MAPKAPK3: variants seen among roughly 807,000 people sequenced by gnomAD.
The protein encoded by MAPKAPK3 is MAP kinase-activated protein kinase 3.
A neutral mutation model predicts 49.2 loss-of-function variants in MAPKAPK3; 35 were observed. The ratio of observed to expected loss-of-function variants is 0.71; its 90% CI spans 0.54 to 0.94. The LOEUF (loss-of-function observed/expected upper bound fraction) is 0.94. Among genes scored for constraint, MAPKAPK3 ranks in the 40% least tolerant of loss-of-function variants. The pLI is 0.00. For synonymous variants in MAPKAPK3, 178 were observed against 188.7 expected, an observed-to-expected ratio of 0.94 and a Z score of 0.46; for missense variants, 398 against 493.1, an observed-to-expected ratio of 0.81 and a Z score of 1.83.
intron 2 of MAPKAPK3, among the ~76,000 whole-genome samples, chr3:50,635,409 T>A (rs1242555239): frequency 5.0e-5 from 1 of 20,196 alleles, no homozygotes; most frequent in Non-Finnish European, 1.3e-4. Flanking sequence ...ATTTAATCTT[T>A]TTTTTTTTTT....
At chr3:50,616,971 C>T (rs1020957687), upstream of MAPKAPK3, among the ~76,000 whole-genome samples, 37 of 152,048 alleles carry the variant, frequency 2.4e-4, no homozygotes, top group African/African-American at 8.7e-4. Flanking sequence ...CTCGGGAAGC[C>T]ACGCCTCCTA....
In MAPKAPK3 at chr3:50,648,150, A is replaced by T; in HGVS notation, c.*104A>T. ...CCAGGGTCATTCTTTTAACAAAAGG[A>T]TTATTTTGTTGTGTTTTAATTTGTC... On this transcript the variant is annotated 3_prime_UTR_variant, in exon 11 of 11. Transcript: ENST00000621469. The T allele has an allele frequency of 1.5e-5, 18 of 1,206,854 alleles. No individual in the cohort carries two copies. Among genetic ancestry groups the T allele is most frequent in the Non-Finnish European group, 2.1e-5 (18 of 868,026 alleles). The allele number at this position is 1,206,854 out of a possible 1,614,324, so 74.8% of individuals were successfully genotyped here. A position where few individuals can be genotyped will look rare whatever the true frequency, so the allele number is the denominator to read the frequency against.
chr3:50,627,725 A>G (rs545307140), intron 2 of MAPKAPK3, among the ~76,000 whole-genome samples: 1 of 152,174 alleles, frequency 6.6e-6, no homozygotes, highest in Non-Finnish European at 1.5e-5. Context: ...CCTCATAGCT[A>G]TGGCTCCATG....
chr3:50,641,797 G>A (rs749520848), intron 4 of MAPKAPK3, 26 bp downstream of exon 4: 1 of 1,604,752 alleles, frequency 6.2e-7, no homozygotes, highest in South Asian at 1.1e-5. Flanking sequence ...TGGACCAGCA[G>A]GAGGATTCAG....
chr3:50,644,691 G>T (rs1352029184), intron 6 of MAPKAPK3, among the ~76,000 whole-genome samples, 159 bp downstream of exon 6: 1 of 152,178 alleles, frequency 6.6e-6, no homozygotes, highest in Non-Finnish European at 1.5e-5. Context: ...GGGGCCGGAG[G>T]CTGCAAAAAT....
Position 50,631,760 on chromosome 3 carries a change from A to T in MAPKAPK3, c.220-8606A>T, listed in dbSNP as rs17051038. Among the ~76,000 whole-genome samples, 922 of 152,312 alleles carry T rather than the reference A, an allele frequency of 6.1e-3. 26 individuals are homozygous for T. Among genetic ancestry groups the T allele is most frequent in the East Asian group, 0.043 (222 of 5,178 alleles). ...TGGTAGGTTCAAAGTGTTTTGTCTT[A>T]TTCACGGCCTGCCTCTGTAAGAATA... On this transcript the variant is annotated intron_variant, in intron 2 of 10. Coordinates refer to ENST00000621469, the MANE Select transcript of MAPKAPK3 (RefSeq NM_001243925.2).
intron 2 of MAPKAPK3, among the ~76,000 whole-genome samples, chr3:50,626,454 A>G (rs538877248): frequency 7.2e-5 from 11 of 152,306 alleles, no homozygotes; most frequent in Admixed American, 4.6e-4. Context: ...CTCAGAGGCT[A>G]CATTCAGGGG....
chr3:50,646,817 T>C lies in MAPKAPK3; in HGVS notation c.907T>C (p.Trp303Arg). Residue 303 changes from tryptophan (W) to arginine (R), a missense_variant, in exon 9 of 11, where the codon TGG becomes CGG. Physicochemically the swap from Trp to Arg is moderately radical, Grantham distance 101. This residue lies in a region of MAPKAPK3 where 152 missense variants were observed against 177.3 expected (regional missense o/e 0.86). Coordinates refer to ENST00000621469, the MANE Select transcript of MAPKAPK3 (RefSeq NM_001243925.2). ...CATCACTCAGTTCATGAACCACCCC[T>C]GGATCAACGTGAGCCCCTCCTCCTC... ...LTITQFMNHP[W>R]INQSMVVPQT... is the part of the protein sequence containing the mutation. The C allele has an allele frequency of 6.2e-7, 1 of 1,613,850 alleles. No homozygotes were observed. Among genetic ancestry groups the C allele is most frequent in the Middle Eastern group, 1.6e-4 (1 of 6,062 alleles).
At chr3:50,616,302 G>A (rs533993609), upstream of MAPKAPK3, among the ~76,000 whole-genome samples, 4 of 152,300 alleles carry the variant, frequency 2.6e-5, no homozygotes, top group South Asian at 6.2e-4. Context: ...TTCTCCCCAG[G>A]GGTCCCAGTT....
intron 2 of MAPKAPK3, among the ~76,000 whole-genome samples, chr3:50,639,137 G>T (rs925132417): frequency 6.6e-6 from 1 of 152,178 alleles, no homozygotes; most frequent in African/African-American, 2.4e-5. Flanking sequence ...CCTGATGCCC[G>T]CCCACTGGAT....
chr3:50,627,471 C>T (rs1299206249), intron 2 of MAPKAPK3, among the ~76,000 whole-genome samples: 1 of 152,196 alleles, frequency 6.6e-6, no homozygotes, highest in Non-Finnish European at 1.5e-5. Flanking sequence ...GGGCTATATT[C>T]TGCCAGGGTC....
chr3:50,620,917 A>T (rs1429064441), intron 2 of MAPKAPK3, among the ~76,000 whole-genome samples: 1 of 152,202 alleles, frequency 6.6e-6, no homozygotes, highest in South Asian at 2.1e-4. Flanking sequence ...TAGTACCTTC[A>T]GCTTTCCCTC....
upstream of MAPKAPK3, chr3:50,613,070 A>G (rs1170246910): frequency 1.3e-5 from 2 of 152,044 alleles, no homozygotes; most frequent in Non-Finnish European, 2.9e-5. Flanking sequence ...AATCTCCTCC[A>G]AACCCTTGGG....
chr3:50,635,406 CTTTTTTTTTTTTTTTT>C (rs386396609), intron 2 of MAPKAPK3, among the ~76,000 whole-genome samples: 2 of 48,580 alleles, frequency 4.1e-5, no homozygotes, highest in Admixed American at 3.6e-4. Flanking sequence ...TCAATTTAAT[CTTTTTTTTTTTTTTTT>C]TTTTTTTTTT....
chr3:50,624,585 A>G lies in MAPKAPK3; in HGVS notation c.219+6801A>G, dbSNP rs540457235. On this transcript the variant is annotated intron_variant, in intron 2 of 10. Transcript: ENST00000621469. ...GGGCTGTTGTTCAGACTATATGGGA[A>G]GGACTCAGTTTTCATTACAACAGAG... Among the ~76,000 whole-genome samples the G allele has an allele frequency of 8.5e-5, 13 of 152,272 alleles. No individual in the cohort carries two copies. The East Asian group carries it at 2.3e-3, about 27-fold the overall frequency.
At chr3:50,618,036 C>G (rs2032516855) in intron 2 of MAPKAPK3, among the ~76,000 whole-genome samples, 1 of 152,162 alleles carries the variant, frequency 6.6e-6, no homozygotes, top group South Asian at 2.1e-4. Flanking sequence ...ATGCTGTATC[C>G]GGAAGCAGGG....
chr3:50,637,753 G>A (rs1051536487), intron 2 of MAPKAPK3, among the ~76,000 whole-genome samples: 1 of 151,664 alleles, frequency 6.6e-6, no homozygotes, highest in African/African-American at 2.4e-5. Flanking sequence ...GAGATTGATC[G>A]ATCTGAATTG....
chr3:50,614,820 C>T (rs981422675), upstream of MAPKAPK3, among the ~76,000 whole-genome samples: 5 of 152,096 alleles, frequency 3.3e-5, no homozygotes, highest in Non-Finnish European at 7.4e-5. Context: ...AATGCGTGTG[C>T]CTGTGGAAGC....
At chr3:50,638,242 G>C (rs531280146) in intron 2 of MAPKAPK3, among the ~76,000 whole-genome samples, 1 of 152,076 alleles carries the variant, frequency 6.6e-6, no homozygotes, top group Non-Finnish European at 1.5e-5. Context: ...GGCAGGGGGA[G>C]GGGGAGGAGG....
Sources: gnomAD v4.1 joint callset for allele counts (sites outside exome capture counted in the v4.1 genomes callset) on GRCh38, gnomAD v4.1.1 for gene constraint, gnomAD v4.1.1 regional missense constraint, MANE v1.5 for transcripts, NCBI Gene and HGNC (gene_info 2026-07-23, HGNC 2026-07-21) for gene names.